The following GPR158 variants were observed in gnomAD, a reference collection of about 807,000 sequenced individuals.
The protein encoded by GPR158 is metabotropic glycine receptor.
In GPR158, 30 loss-of-function variants were observed where a neutral mutation model predicts 78.2. That is an observed-to-expected ratio of 0.38 (90% CI 0.29 to 0.52). The LOEUF is 0.52. Among genes scored for constraint, GPR158 ranks in the 20% least tolerant of loss-of-function variants. GPR158 has a pLI of 0.83. For missense variants in GPR158, 1,463 were observed against 1,523.5 expected (o/e 0.96, Z 0.66); for synonymous variants, 581 against 591.1 (o/e 0.98, Z 0.25).
intron 4 of GPR158, among the ~76,000 whole-genome samples, chr10:25,460,686 A>G (rs1219537815): frequency 1.3e-5 from 2 of 152,200 alleles, no homozygotes; most frequent in African/African-American, 2.4e-5. Context: ...TCAACTTAGT[A>G]TGTATCCTCC....
rs375852204 is a variant in GPR158 at position 25,599,036 on chromosome 10, T to C, written c.3410T>C (p.Ile1137Thr). ...SKTENENLNQIGHQEKKTSSS... is the reference protein window; with the variant it reads ...SKTENENLNQTGHQEKKTSSS... Reference sequence around the variant, plus strand: ...ACAGAGAATGAAAATCTCAACCAAATAGGACACCAGGAAAAAAAGACATCT... The same window carrying C: ...ACAGAGAATGAAAATCTCAACCAAACAGGACACCAGGAAAAAAAGACATCT... Residue 1137 changes from isoleucine to threonine, a missense_variant, in exon 11 of 11, where the codon ATA becomes ACA. By Grantham distance (89) the Ile-to-Thr change is moderately conservative (BLOSUM62 -1). Transcript: ENST00000376351. The C allele has an allele frequency of 5.0e-6, 8 of 1,613,790 alleles. No homozygotes were observed. The African/African-American group carries it at 6.7e-5, about 13-fold the overall frequency.
rs762420887 is a variant in GPR158 at position 25,175,315 on chromosome 10, AG to A, written c.-101del. 11 of 675,122 alleles carry A rather than the reference AG, an allele frequency of 1.6e-5. No individual in the cohort carries two copies. The highest frequency in any genetic ancestry group is 2.6e-5 in the Non-Finnish European group (10 of 389,218). The allele number at this position is 675,122 out of a possible 1,614,324, so 41.8% of individuals were successfully genotyped here. A position where few individuals can be genotyped will look rare whatever the true frequency, so the allele number is the denominator to read the frequency against. On this transcript the variant is annotated 5_prime_UTR_variant, in exon 1 of 11. Coordinates refer to ENST00000376351, the MANE Select transcript of GPR158 (RefSeq NM_020752.3). This position sits in a 1 kb window ranked among gnomAD's most constrained non-coding sequence, Gnocchi z 6.4. ...CTTTGGACTGGGTGCCATCTGGAGAAGGGGGAAGACTCCTCGAAAAAGTCTG... is the reference window on the plus strand; with the variant it reads ...CTTTGGACTGGGTGCCATCTGGAGAAGGGGAAGACTCCTCGAAAAAGTCTG...
intron 2 of GPR158, among the ~76,000 whole-genome samples, chr10:25,301,536 T>G (rs80303102): frequency 0.012 from 1,763 of 152,262 alleles, 41 homozygotes; most frequent in African/African-American, 0.041. Flanking sequence ...AGCTTTGAAT[T>G]ACTTCGTGGC....
At chr10:25,233,556 C>G (rs148968687) in intron 2 of GPR158, among the ~76,000 whole-genome samples, 25 of 152,328 alleles carry the variant, frequency 1.6e-4, no homozygotes, top group Admixed American at 5.9e-4. Flanking sequence ...ACAAACTGAG[C>G]AACCCTGCTT....
chr10:25,440,624 A>G (rs1835055043), intron 4 of GPR158, among the ~76,000 whole-genome samples: 1 of 152,150 alleles, frequency 6.6e-6, no homozygotes, highest in African/African-American at 2.4e-5. Flanking sequence ...AGACTAAATA[A>G]TCTCTTTAAT....
chr10:25,416,376 A>G (rs568504297), intron 4 of GPR158, among the ~76,000 whole-genome samples: 1 of 152,152 alleles, frequency 6.6e-6, no homozygotes, highest in Non-Finnish European at 1.5e-5. Context: ...CTGTGCATTT[A>G]TTTATATGTG....
intron 4 of GPR158, among the ~76,000 whole-genome samples, chr10:25,434,701 G>A (rs1834973722): frequency 6.6e-6 from 1 of 152,192 alleles, no homozygotes; most frequent in Non-Finnish European, 1.5e-5. Flanking sequence ...GTTGAGAATA[G>A]TGATTAAGGT....
intron 4 of GPR158, among the ~76,000 whole-genome samples, chr10:25,438,235 G>A (rs1835024476): frequency 6.6e-6 from 1 of 152,150 alleles, no homozygotes; most frequent in African/African-American, 2.4e-5. Context: ...TGAAAGTTTG[G>A]TATTGTCACT....
intron 2 of GPR158, among the ~76,000 whole-genome samples, chr10:25,366,958 G>C (rs1432258821): frequency 6.6e-6 from 1 of 151,562 alleles, no homozygotes; most frequent in Non-Finnish European, 1.5e-5. Context: ...TGTAGCTATA[G>C]ACCTTGTTTA....
intron 5 of GPR158, among the ~76,000 whole-genome samples, chr10:25,542,419 C>A (rs1327605080): frequency 6.6e-6 from 1 of 152,202 alleles, no homozygotes; most frequent in Non-Finnish European, 1.5e-5. Context: ...TTGTCAGCAT[C>A]CCTCTTTTAA....
intron 9 of GPR158, among the ~76,000 whole-genome samples, 156 bp from the exon 10 acceptor site, chr10:25,596,483 GTCTC>G (rs958354657): frequency 1.9e-4 from 29 of 151,524 alleles, no homozygotes; most frequent in Admixed American, 5.9e-4. Flanking sequence ...GTCTGTCTGT[GTCTC>G]TCTCTCTCTA....
intron 2 of GPR158, among the ~76,000 whole-genome samples, chr10:25,385,522 A>G (rs1310026988): frequency 6.6e-6 from 1 of 152,018 alleles, no homozygotes; most frequent in Non-Finnish European, 1.5e-5. Context: ...TCTGTTTTTA[A>G]TTTTTTTGAG....
At chr10:25,435,790 AG>A (rs1217271520) in intron 4 of GPR158, among the ~76,000 whole-genome samples, 3 of 152,218 alleles carry the variant, frequency 2.0e-5, no homozygotes, top group Non-Finnish European at 4.4e-5. Context: ...GTAAGGGACA[AG>A]TGTAAAAGTG....
At chr10:25,241,133 C>A (rs1480727666) in intron 2 of GPR158, among the ~76,000 whole-genome samples, 1 of 34,714 alleles carries the variant, frequency 2.9e-5, no homozygotes. Flanking sequence ...GATTTTCTTT[C>A]TTTCTTTCTT....
At chr10:25,363,485 C>A (rs1379216218) in intron 2 of GPR158, among the ~76,000 whole-genome samples, 1 of 151,942 alleles carries the variant, frequency 6.6e-6, no homozygotes, top group Non-Finnish European at 1.5e-5. Context: ...AATACCATGG[C>A]ACTGGCTTTT....
At position 25,228,960 on chromosome 10, in the gene GPR158, C is replaced by T. The variant is rs191725304; in HGVS notation, c.1008+7803C>T. Among the ~76,000 whole-genome samples, 12 of 150,426 alleles carry T rather than the reference C, an allele frequency of 8.0e-5. No homozygotes were observed. In the East Asian group the frequency reaches 9.9e-4, roughly 12 times the overall value. On this transcript the variant is annotated intron_variant, in intron 2 of 10. Transcript: ENST00000376351. Reference sequence around the variant, plus strand: ...TGAGGTAGCAGAATGGTATGAACCCCGGAGGCGGGGTTTACAGTGAGCTGA... The same window carrying T: ...TGAGGTAGCAGAATGGTATGAACCCTGGAGGCGGGGTTTACAGTGAGCTGA...
chr10:25,319,399 G>T (rs908043964), intron 2 of GPR158, among the ~76,000 whole-genome samples: 1 of 152,026 alleles, frequency 6.6e-6, no homozygotes, highest in Non-Finnish European at 1.5e-5. Flanking sequence ...AATTCCCATT[G>T]TGTTAATCTA....
intron 2 of GPR158, among the ~76,000 whole-genome samples, chr10:25,334,708 G>C (rs1184001405): frequency 6.6e-6 from 1 of 151,936 alleles, no homozygotes; most frequent in Non-Finnish European, 1.5e-5. Context: ...CTCCTTGTAA[G>C]ATGGTATCAG....
intron 1 of GPR158, among the ~76,000 whole-genome samples, chr10:25,220,655 G>A (rs1389751865): frequency 6.6e-6 from 1 of 152,200 alleles, no homozygotes; most frequent in Non-Finnish European, 1.5e-5. Flanking sequence ...GGAAATAGAA[G>A]TAGAAAGAAA....
Sources: gnomAD v4.1 joint callset for allele counts (sites outside exome capture counted in the v4.1 genomes callset) on GRCh38, gnomAD v4.1.1 for gene constraint, Gnocchi (gnomAD v3.1) non-coding constraint, MANE v1.5 for transcripts, NCBI Gene and HGNC (gene_info 2026-07-23, HGNC 2026-07-21) for gene names.